The following OXR1 variants were observed in gnomAD, a reference collection of about 807,000 sequenced individuals.
OXR1 encodes oxidation resistance protein 1.
In OXR1, 41 loss-of-function variants were observed where a neutral mutation model predicts 104.6. The observed-to-expected ratio is 0.39, with a 90% CI of 0.31 to 0.51. The LOEUF (loss-of-function observed/expected upper bound fraction) is 0.51. Among genes scored for constraint, OXR1 ranks in the 20% least tolerant of loss-of-function variants. The pLI is 0.77. For missense variants in OXR1, 955 were observed against 1,031.9 expected, an observed-to-expected ratio of 0.93 and a Z score of 1.02; for synonymous variants, 348 against 348.4, an observed-to-expected ratio of 1.00 and a Z score of 0.01.
intron 3 of OXR1, among the ~76,000 whole-genome samples, chr8:106,637,464 T>C (rs1217112125): frequency 6.6e-6 from 1 of 152,148 alleles, no homozygotes; most frequent in Non-Finnish European, 1.5e-5. Flanking sequence ...CATTCTGTAA[T>C]GAAGGAACCA....
chr8:106,426,083 G>A (rs1238384565), intron 2 of OXR1, among the ~76,000 whole-genome samples: 1 of 152,056 alleles, frequency 6.6e-6, no homozygotes, highest in Non-Finnish European at 1.5e-5. Flanking sequence ...GAGGGGCTGT[G>A]GGACCAGATG....
At chr8:106,650,207 C>T (rs1011753682) in intron 3 of OXR1, among the ~76,000 whole-genome samples, 1 of 152,154 alleles carries the variant, frequency 6.6e-6, no homozygotes, top group Non-Finnish European at 1.5e-5. Context: ...AGGCATATTG[C>T]TTGCATGATG....
In OXR1 at chr8:106,730,371, C is replaced by G. The variant is rs1833769101; in HGVS notation, c.1957-7149C>G. 1.3e-5 allele frequency among the ~76,000 whole-genome samples: 2 copies of G among 151,970 alleles called. 1 individual carries two copies. The highest frequency in any genetic ancestry group is 4.8e-5 in the African/African-American group (2 of 41,354). On this transcript the variant is annotated intron_variant, in intron 11 of 16. Coordinates refer to ENST00000517566, the MANE Select transcript of OXR1 (RefSeq NM_001198533.2). The stretch of plus-strand genomic sequence containing the variant: ...CTATAATTTTTCTGCCCTAAAAATT[C>G]CCTGTGCCACAGCTATTTATCACTC...
At chr8:106,420,175 T>G (rs1818846925) in intron 2 of OXR1, among the ~76,000 whole-genome samples, 1 of 152,080 alleles carries the variant, frequency 6.6e-6, no homozygotes, top group Admixed American at 6.6e-5. Context: ...AAGCTGACGG[T>G]TTTAAATTAC....
chr8:106,443,129 G>T (rs1480928761), intron 2 of OXR1, among the ~76,000 whole-genome samples: 1 of 152,076 alleles, frequency 6.6e-6, no homozygotes, highest in Admixed American at 6.6e-5. Context: ...TGGTTTCAAA[G>T]AACTTCATTT....
At chr8:106,281,609 G>T (rs1586467338) in intron 1 of OXR1, among the ~76,000 whole-genome samples, 1 of 152,202 alleles carries the variant, frequency 6.6e-6, no homozygotes, top group Middle Eastern at 3.4e-3. Flanking sequence ...AGACCAGCCT[G>T]GCCAAGATGG....
chr8:106,462,959 C>G (rs927436347), intron 2 of OXR1, among the ~76,000 whole-genome samples: 14 of 152,050 alleles, frequency 9.2e-5, no homozygotes, highest in Non-Finnish European at 1.6e-4. Context: ...TTTTATAATT[C>G]TTTATTACAC....
At chr8:106,290,200 G>A (rs1812689306) in intron 1 of OXR1, among the ~76,000 whole-genome samples, 1 of 152,084 alleles carries the variant, frequency 6.6e-6, no homozygotes, top group Non-Finnish European at 1.5e-5. Context: ...AAGCAATAGG[G>A]AAAGGACTCC....
chr8:106,577,009 T>C (rs1817886288), intron 3 of OXR1, among the ~76,000 whole-genome samples: 2 of 152,328 alleles, frequency 1.3e-5, no homozygotes, highest in Admixed American at 1.3e-4. Context: ...CTACCTTTAC[T>C]TCGAAGAATT....
intron 1 of OXR1, among the ~76,000 whole-genome samples, chr8:106,346,136 C>G (rs559181351): frequency 6.8e-6 from 1 of 147,384 alleles, no homozygotes; most frequent in South Asian, 2.3e-4. Context: ...AGAAAACTAT[C>G]GACAAAGGTA....
chr8:106,344,589 G>A (rs1436037914), intron 1 of OXR1, among the ~76,000 whole-genome samples: 6 of 151,998 alleles, frequency 3.9e-5, no homozygotes, highest in Non-Finnish European at 8.8e-5. Context: ...CATCCGCCTC[G>A]GCCTCCCAAA....
intron 3 of OXR1, among the ~76,000 whole-genome samples, chr8:106,677,042 A>G (rs2131196761): frequency 6.6e-6 from 1 of 152,234 alleles, no homozygotes; most frequent in Non-Finnish European, 1.5e-5. Context: ...TTATTGGGAT[A>G]TTATGAAACA....
chr8:106,659,222 G>C (rs1378261751), intron 3 of OXR1, among the ~76,000 whole-genome samples: 5 of 152,180 alleles, frequency 3.3e-5, no homozygotes, highest in Non-Finnish European at 7.3e-5. Context: ...GCCTTCCCAA[G>C]TGCTGGGATT....
chr8:106,281,799 C>CA (rs59515650), intron 1 of OXR1, among the ~76,000 whole-genome samples: 2,128 of 62,334 alleles, frequency 0.034, 84 homozygotes, highest in East Asian at 0.059. Flanking sequence ...GACTCTATCT[C>CA]AAAAAAAAAA....
At chr8:106,417,254 G>T (rs931275338) in intron 2 of OXR1, among the ~76,000 whole-genome samples, 1 of 152,048 alleles carries the variant, frequency 6.6e-6, no homozygotes, top group Non-Finnish European at 1.5e-5. Context: ...CATGATAGCT[G>T]GCAGATATTA....
At chr8:106,726,353 T>C (rs1461823279) in intron 11 of OXR1, 2 of 973,296 alleles carry the variant, frequency 2.1e-6, no homozygotes, top group Non-Finnish European at 3.0e-6. Context: ...ATACTAGTCT[T>C]TTCATGGTGA....
At chr8:106,626,584 T>C (rs968880524) in intron 3 of OXR1, among the ~76,000 whole-genome samples, 2 of 125,164 alleles carry the variant, frequency 1.6e-5, no homozygotes, top group African/African-American at 6.3e-5. Flanking sequence ...AAGTAGCTCA[T>C]TTTCTTAGGT....
chr8:106,695,661 G>A (rs1056356887), intron 7 of OXR1, among the ~76,000 whole-genome samples: 6 of 152,016 alleles, frequency 3.9e-5, no homozygotes, highest in African/African-American at 9.6e-5. Context: ...CTCGTGATCC[G>A]CCTGCTTCAG....
intron 2 of OXR1, among the ~76,000 whole-genome samples, chr8:106,418,696 T>C (rs1818782519): frequency 6.6e-6 from 1 of 152,080 alleles, no homozygotes; most frequent in Non-Finnish European, 1.5e-5. Context: ...TGAAAAAAAA[T>C]GAGACTGCAA....
Sources: allele counts gnomAD v4.1 joint callset (sites outside exome capture counted in the v4.1 genomes callset), GRCh38; gene constraint gnomAD v4.1.1; transcripts MANE v1.5; gene names NCBI Gene and HGNC (gene_info 2026-07-23, HGNC 2026-07-21).